Variants in DACH2 observed in about 807,000 individuals in gnomAD.
The protein encoded by DACH2 is dachshund homolog 2.
DACH2 carries 17 observed loss-of-function variants against 35.8 expected under a neutral mutation model. That is an observed-to-expected ratio of 0.48 (90% CI 0.33 to 0.71). The LOEUF (loss-of-function observed/expected upper bound fraction) is 0.71, where lower values mean the gene tolerates loss of function less well. DACH2 is among the 30% of genes least tolerant of loss of function. The pLI is 0.02. For synonymous variants in DACH2, 195 were observed against 177.3 expected, an observed-to-expected ratio of 1.10 and a Z score of -0.79; for missense variants, 469 against 472.7, an observed-to-expected ratio of 0.99 and a Z score of 0.07.
intron 2 of DACH2, among the ~76,000 whole-genome samples, chrX:86,397,889 G>A (rs946313288): frequency 1.0e-3 from 114 of 111,675 alleles, no homozygotes; most frequent in African/African-American, 3.3e-3. Context: ...TGGTATCAGG[G>A]TGATGCTGTC....
intron 1 of DACH2, among the ~76,000 whole-genome samples, chrX:86,297,396 G>A (rs2034487841): frequency 9.0e-6 from 1 of 111,616 alleles, no homozygotes; most frequent in Non-Finnish European, 1.9e-5. Context: ...GTGAGCAGCT[G>A]TCTGAACACC....
At chrX:86,241,484 T>A (rs1602315523) in intron 1 of DACH2, among the ~76,000 whole-genome samples, 1 of 111,918 alleles carries the variant, frequency 8.9e-6, no homozygotes, top group East Asian at 2.8e-4. Context: ...GAATTTGTAA[T>A]GAGATTGTCT....
chrX:86,710,945 G>A (rs1395226092), intron 5 of DACH2, among the ~76,000 whole-genome samples: 1 of 111,897 alleles, frequency 8.9e-6, no homozygotes, highest in East Asian at 2.8e-4. Context: ...AGAAGTCAAC[G>A]TGACTTAGAA....
intron 2 of DACH2, among the ~76,000 whole-genome samples, chrX:86,496,047 A>G (rs1351901710): frequency 9.0e-6 from 1 of 111,318 alleles, no homozygotes; most frequent in Non-Finnish European, 1.9e-5. Flanking sequence ...TTTGCACATA[A>G]TAAGTGTGAC....
intron 2 of DACH2, among the ~76,000 whole-genome samples, chrX:86,485,951 C>T (rs947338259): frequency 4.5e-5 from 5 of 111,849 alleles, no homozygotes; most frequent in Admixed American, 1.9e-4. Context: ...CTGACACTAC[C>T]TGCTGTGTGA....
rs755515715 is a variant in DACH2 at position 86,477,917 on chromosome X, A to G, written c.528-36362A>G. Among the ~76,000 whole-genome samples the G allele has an allele frequency of 2.5e-3, 283 of 111,544 alleles. 1 individual carries two copies. Among genetic ancestry groups the G allele is most frequent in the African/African-American group, 8.7e-3 (266 of 30,720 alleles). On this transcript the variant is annotated intron_variant, in intron 2 of 11. Transcript: ENST00000373125. ...TATTTTAAGCTGATAACAACTTAAT[A>G]CTGTTTGCTTAAACAAAGGAACAAA...
At chrX:86,407,134 C>T (rs375232347) in intron 2 of DACH2, among the ~76,000 whole-genome samples, 3 of 111,603 alleles carry the variant, frequency 2.7e-5, no homozygotes, top group African/African-American at 9.8e-5. Flanking sequence ...AAACAGTGAA[C>T]TCATGAAGAA....
chrX:86,356,911 G>A (rs7887975), intron 1 of DACH2, among the ~76,000 whole-genome samples: 6,119 of 110,977 alleles, frequency 0.055, 424 homozygotes, highest in African/African-American at 0.19. Flanking sequence ...TATCACTGGA[G>A]TAGCATACAC....
At chrX:86,671,526 G>A (rs188172902) in intron 4 of DACH2, among the ~76,000 whole-genome samples, 3,645 of 110,728 alleles carry the variant, frequency 0.033, 158 homozygotes, top group African/African-American at 0.11. Flanking sequence ...TTGTTGAAAA[G>A]TGTGCAGCAC....
chrX:86,665,276 C>G (rs2040653683), intron 4 of DACH2, among the ~76,000 whole-genome samples: 1 of 111,736 alleles, frequency 8.9e-6, no homozygotes, highest in Non-Finnish European at 1.9e-5. Context: ...AACATCTTGT[C>G]AAAATATAGT....
At chrX:86,736,025 C>T (rs1360159204) in intron 6 of DACH2, among the ~76,000 whole-genome samples, 1 of 111,091 alleles carries the variant, frequency 9.0e-6, no homozygotes, top group African/African-American at 3.3e-5. Flanking sequence ...AAGCATATTG[C>T]AGTTAAGTAG....
intron 1 of DACH2, among the ~76,000 whole-genome samples, chrX:86,342,059 G>A (rs1249207275): frequency 8.9e-6 from 1 of 111,960 alleles, no homozygotes; most frequent in Non-Finnish European, 1.9e-5. Context: ...AGTTGATAAA[G>A]CAGTGGTAGC....
At chrX:86,712,173 A>G (rs960721858) in intron 5 of DACH2, among the ~76,000 whole-genome samples, 1 of 111,486 alleles carries the variant, frequency 9.0e-6, no homozygotes, top group Admixed American at 9.6e-5. Flanking sequence ...ATAGAAACCT[A>G]CTTAGGTCAT....
rs748352318 is a variant in DACH2, at chrX:86,812,933, G to A, written c.1318G>A (p.Ala440Thr). The change falls in exon 8 of 12, where the codon GCT becomes ACT. Residue 440 changes from alanine to threonine, a missense_variant. By Grantham distance (58) the Ala-to-Thr change is moderately conservative (BLOSUM62 0). This residue lies in a region of DACH2 where 363 missense variants were observed against 334.4 expected (regional missense o/e 1.09). Transcript: ENST00000373125. The stretch of plus-strand genomic sequence containing the variant: ...GCTGACTCCTGGGCAGGCATTGCCC[G>A]CTGGATTCCCTGGACCATTCATTTT... ...IQLTPGQALP[A>T]GFPGPFIFAD... 5.9e-5 allele frequency: 71 copies of A among 1,205,172 alleles called. No individual in the cohort carries two copies. The Admixed American group carries it at 7.3e-4, about 12-fold the overall frequency.
intron 7 of DACH2, among the ~76,000 whole-genome samples, chrX:86,775,420 T>C (rs1266904542): frequency 9.0e-5 from 10 of 110,953 alleles, no homozygotes; most frequent in Non-Finnish European, 1.5e-4. Flanking sequence ...CTCATAGGAG[T>C]GCAAGCCCTA....
chrX:86,546,348 T>TTCTTCC (rs2038958416), intron 3 of DACH2, among the ~76,000 whole-genome samples: 1 of 74,612 alleles, frequency 1.3e-5, no homozygotes, highest in African/African-American at 5.9e-5. Context: ...CCTCTTCTTC[T>TTCTTCC]TCTTCTTCCT....
At chrX:86,745,446 CTG>C (rs1386487087) in intron 7 of DACH2, among the ~76,000 whole-genome samples, 1 of 110,776 alleles carries the variant, frequency 9.0e-6, no homozygotes, top group Non-Finnish European at 1.9e-5. Context: ...GCCCCAGTGT[CTG>C]TGGTTCTTTT....
At chrX:86,220,246 A>T (rs1272968096) in intron 1 of DACH2, among the ~76,000 whole-genome samples, 1 of 109,729 alleles carries the variant, frequency 9.1e-6, no homozygotes, top group Non-Finnish European at 1.9e-5. Context: ...ACTTCACATG[A>T]TATCTGCCAT....
At chrX:86,581,823 A>G (rs2039505148) in intron 3 of DACH2, among the ~76,000 whole-genome samples, 1 of 111,440 alleles carries the variant, frequency 9.0e-6, no homozygotes, top group South Asian at 3.8e-4. Context: ...AAAGTGTTAG[A>G]CAGATTATTG....
Sources: gnomAD v4.1 joint callset for allele counts (sites outside exome capture counted in the v4.1 genomes callset) on GRCh38, gnomAD v4.1.1 for gene constraint, gnomAD v4.1.1 regional missense constraint, MANE v1.5 for transcripts, NCBI Gene and HGNC (gene_info 2026-07-23, HGNC 2026-07-21) for gene names.